Variants in MARCHF1 observed in about 807,000 individuals in gnomAD.
MARCHF1 encodes membrane associated ring-CH-type finger 1.
A neutral mutation model predicts 54.2 loss-of-function variants in MARCHF1; 40 were observed. That is an observed-to-expected ratio of 0.74 (90% CI 0.57 to 0.96). The LOEUF is 0.96. Ranked by LOEUF, MARCHF1 falls within the 40% of genes least tolerant of loss-of-function variation. The pLI, the probability that MARCHF1 is intolerant of heterozygous loss-of-function variation, is 0.00. For missense variants in MARCHF1, 586 were observed against 656.5 expected (o/e 0.89, Z 1.17); for synonymous variants, 236 against 236.3 (o/e 1.00, Z 0.01).
At chr4:163,635,500 T>G (rs1441898794) in intron 5 of MARCHF1, among the ~76,000 whole-genome samples, 1 of 145,076 alleles carries the variant, frequency 6.9e-6, no homozygotes, top group African/African-American at 2.6e-5. Context: ...CTAGAAGAAA[T>G]GGATAAATTC....
intron 1 of MARCHF1, among the ~76,000 whole-genome samples, chr4:164,159,396 C>A (rs1008204676): frequency 2.0e-5 from 3 of 152,052 alleles, no homozygotes; most frequent in African/African-American, 7.2e-5. Context: ...TAAAAAATTA[C>A]AAATTTAACT....
At chr4:164,360,271 A>T (rs1267745940) in intron 1 of MARCHF1, among the ~76,000 whole-genome samples, 3 of 152,138 alleles carry the variant, frequency 2.0e-5, no homozygotes, top group African/African-American at 7.2e-5. Context: ...GCAGGTGGCT[A>T]TCTTGCGAGG....
chr4:163,992,451 A>C (rs1440065782), intron 2 of MARCHF1, among the ~76,000 whole-genome samples: 1 of 152,066 alleles, frequency 6.6e-6, no homozygotes, highest in African/African-American at 2.4e-5. Context: ...AGCAACAATA[A>C]ATAATATTAG....
intron 1 of MARCHF1, among the ~76,000 whole-genome samples, chr4:164,310,746 TA>T (rs1305021696): frequency 6.6e-6 from 1 of 151,998 alleles, no homozygotes; most frequent in African/African-American, 2.4e-5. Context: ...TTTAAGTTAT[TA>T]AAAAACAACA....
intron 1 of MARCHF1, among the ~76,000 whole-genome samples, chr4:164,351,688 C>A (rs1237663350): frequency 6.6e-6 from 1 of 151,938 alleles, no homozygotes; most frequent in East Asian, 1.9e-4. Context: ...ACTGGAAACT[C>A]TAAAAAGCAG....
At chr4:164,378,148 CA>C (rs1389956103) in intron 1 of MARCHF1, among the ~76,000 whole-genome samples, 1 of 152,162 alleles carries the variant, frequency 6.6e-6, no homozygotes, top group Non-Finnish European at 1.5e-5. Flanking sequence ...TGACTTTTCA[CA>C]ATATGTTTTT....
chr4:164,214,511 ATAT>A (rs1373842719), intron 1 of MARCHF1, among the ~76,000 whole-genome samples: 7 of 152,146 alleles, frequency 4.6e-5, no homozygotes, highest in Admixed American at 1.3e-4. Flanking sequence ...ACATGATAAT[ATAT>A]TATTAGGCTA....
chr4:164,350,478 T>C (rs1365692648), intron 1 of MARCHF1, among the ~76,000 whole-genome samples: 1 of 152,142 alleles, frequency 6.6e-6, no homozygotes, highest in African/African-American at 2.4e-5. Flanking sequence ...ATTGTATATT[T>C]CCAAAAAGCT....
intron 5 of MARCHF1, among the ~76,000 whole-genome samples, chr4:163,676,095 C>A: frequency 6.6e-6 from 1 of 150,478 alleles, no homozygotes; most frequent in Non-Finnish European, 1.5e-5. Context: ...GAAATCTCAG[C>A]ACTTTGGGAG....
At chr4:164,125,197 A>G (rs1756153299) in intron 1 of MARCHF1, among the ~76,000 whole-genome samples, 1 of 152,202 alleles carries the variant, frequency 6.6e-6, no homozygotes, top group African/African-American at 2.4e-5. Flanking sequence ...CAGGAAATTG[A>G]CTACAAAATT....
intron 4 of MARCHF1, among the ~76,000 whole-genome samples, chr4:163,814,101 C>A (rs1748469011): frequency 6.6e-6 from 1 of 152,176 alleles, no homozygotes; most frequent in Non-Finnish European, 1.5e-5. Flanking sequence ...AAACAACCTG[C>A]TCCATTATCT....
intron 4 of MARCHF1, among the ~76,000 whole-genome samples, chr4:163,746,030 T>C (rs1449785786): frequency 1.3e-5 from 2 of 152,194 alleles, no homozygotes; most frequent in African/African-American, 2.4e-5. Flanking sequence ...CCAAAGTCTA[T>C]ATTTTACATT....
intron 2 of MARCHF1, among the ~76,000 whole-genome samples, chr4:164,034,258 A>G (rs773580358): frequency 8.5e-5 from 13 of 152,086 alleles, no homozygotes; most frequent in Non-Finnish European, 1.9e-4. Flanking sequence ...ACATGTTCTC[A>G]CTCATAAGTG....
intron 7 of MARCHF1, 133 bp from the exon 8 acceptor site, chr4:163,586,062 C>A: frequency 1.5e-6 from 1 of 681,388 alleles, no homozygotes; most frequent in Non-Finnish European, 2.3e-6. Context: ...CATTTTACTC[C>A]AACTTTGATG....
At chr4:164,083,579 A>C (rs2111118017) in intron 2 of MARCHF1, among the ~76,000 whole-genome samples, 1 of 152,244 alleles carries the variant, frequency 6.6e-6, no homozygotes, top group African/African-American at 2.4e-5. Context: ...CAATAGCTGG[A>C]AAGATTTTTC....
intron 8 of MARCHF1, among the ~76,000 whole-genome samples, chr4:163,552,228 C>T (rs746910283): frequency 3.9e-5 from 6 of 152,122 alleles, no homozygotes; most frequent in Admixed American, 2.0e-4. Context: ...TTGTACTGCA[C>T]CAAAGATTAG....
chr4:164,161,281 G>T (rs1190431845), intron 1 of MARCHF1, among the ~76,000 whole-genome samples: 1 of 152,026 alleles, frequency 6.6e-6, no homozygotes, highest in Non-Finnish European at 1.5e-5. Context: ...CAGCCATGGG[G>T]TGTGCCTGCT....
At chr4:164,382,737 C>T (rs1731404936) in intron 1 of MARCHF1, among the ~76,000 whole-genome samples, 1 of 152,052 alleles carries the variant, frequency 6.6e-6, no homozygotes, top group African/African-American at 2.4e-5. Flanking sequence ...AACCTGTGTC[C>T]GCCAAGCAAA....
chr4:164,101,583 A>G (rs1372334417), intron 2 of MARCHF1, among the ~76,000 whole-genome samples: 4 of 130,062 alleles, frequency 3.1e-5, no homozygotes, highest in African/African-American at 8.4e-5. Flanking sequence ...TAACAAACAG[A>G]AAGGACATCC....
Sources: allele counts gnomAD v4.1 joint callset (sites outside exome capture counted in the v4.1 genomes callset), GRCh38; gene constraint gnomAD v4.1.1; transcripts MANE v1.5; gene names NCBI Gene and HGNC (gene_info 2026-07-23, HGNC 2026-07-21).